KIF14: variants seen among roughly 807,000 people sequenced by gnomAD.
KIF14 encodes the protein kinesin-like protein KIF14.
A neutral mutation model predicts 176.2 loss-of-function variants in KIF14; 98 were observed. The ratio of observed to expected loss-of-function variants is 0.56; its 90% CI spans 0.47 to 0.66. KIF14 has a LOEUF of 0.66. KIF14 is among the 30% of genes least tolerant of loss of function. The pLI is 0.00. For synonymous variants in KIF14, 566 were observed against 632.2 expected (o/e 0.90, Z 1.57); for missense variants, 1,751 against 1,920.4 (o/e 0.91, Z 1.65).
At chr1:200,606,954 T>C (rs1659913410) in intron 5 of KIF14, among the ~76,000 whole-genome samples, 156 bp from the exon 6 acceptor site, 1 of 151,396 alleles carries the variant, frequency 6.6e-6, no homozygotes, top group African/African-American at 2.4e-5. Context: ...CAAAAACAAA[T>C]CTGTAAGGCA....
chr1:200,612,000 C>CTTT (rs79821962), intron 4 of KIF14, among the ~76,000 whole-genome samples: 3 of 148,610 alleles, frequency 2.0e-5, no homozygotes, highest in African/African-American at 2.5e-5. Context: ...AGTCCATGCT[C>CTTT]TTTTTTTTTT....
chr1:200,565,039 C>A, intron 25 of KIF14, 30 bp downstream of exon 25: 1 of 1,531,080 alleles, frequency 6.5e-7, no homozygotes, highest in South Asian at 1.2e-5. Flanking sequence ...TAAATGAATC[C>A]TTCAAATGAT....
At chr1:200,612,804 T>C (rs1244070391) in intron 4 of KIF14, among the ~76,000 whole-genome samples, 1 of 151,536 alleles carries the variant, frequency 6.6e-6, no homozygotes, top group African/African-American at 2.4e-5. Flanking sequence ...TTTCCAATAA[T>C]CAGCAAGTCT....
chr1:200,608,105 C>A lies in KIF14; in HGVS notation c.1554+725G>T, dbSNP rs1477305897. On this transcript the variant is annotated intron_variant, in intron 5 of 29. Transcript: ENST00000367350. ...AAAGATTATATAATTGTGAAACTTTCTATTTCACAGATTATCTACAAGGTA... is the reference window on the plus strand; with the variant it reads ...AAAGATTATATAATTGTGAAACTTTATATTTCACAGATTATCTACAAGGTA... Among the ~76,000 whole-genome samples the A allele has an allele frequency of 2.0e-5, 3 of 152,096 alleles. No individual in the cohort carries two copies. The East Asian group carries it at 5.8e-4, about 29-fold the overall frequency.
Position 200,617,892 on chromosome 1 carries a change from G to C in KIF14, c.832C>G (p.Pro278Ala). The change falls in exon 2 of 30, where the codon CCT (proline) becomes GCT (alanine). Residue 278 changes from proline to alanine, a missense_variant. By Grantham distance (27) the Pro-to-Ala change is conservative (BLOSUM62 -1). Transcript: ENST00000367350. ...NKFGSLEKRT[P>A]TKCTTEHKLT... ...TTGTGTTCTGTTGTACATTTTGTAGGTGTTCTTTTTTCTAAGCTCCCAAAT... is the reference window on the plus strand; with the variant it reads ...TTGTGTTCTGTTGTACATTTTGTAGCTGTTCTTTTTTCTAAGCTCCCAAAT... The C allele has an allele frequency of 6.2e-7, 1 of 1,614,088 alleles. No homozygotes were observed.
chr1:200,590,324 T>C, intron 16 of KIF14, 52 bp from the exon 17 acceptor site: 1 of 1,460,086 alleles, frequency 6.8e-7, no homozygotes, highest in Non-Finnish European at 9.3e-7. Flanking sequence ...TCTTTATACA[T>C]CATAATAGTT....
intron 23 of KIF14, among the ~76,000 whole-genome samples, chr1:200,568,507 G>A (rs1657592774): frequency 6.6e-6 from 1 of 152,050 alleles, no homozygotes; most frequent in Non-Finnish European, 1.5e-5. Flanking sequence ...TTATCAAATA[G>A]ATTGTTACAT....
chr1:200,577,447 C>T (rs1245095802), intron 21 of KIF14, among the ~76,000 whole-genome samples: 1 of 152,070 alleles, frequency 6.6e-6, no homozygotes, highest in East Asian at 1.9e-4. Flanking sequence ...CGTGAGCCAC[C>T]GTGCCCAGCC....
Position 200,617,933 on chromosome 1 carries a change from G to A in KIF14, c.791C>T (p.Ala264Val). 1 of 1,613,838 alleles carries A rather than the reference G, an allele frequency of 6.2e-7. No individual in the cohort carries two copies. Among genetic ancestry groups the A allele is most frequent in the Non-Finnish European group, 8.5e-7 (1 of 1,179,960 alleles). Reference sequence around the variant, plus strand: ...GCTCCCAAATTTATTTGAAGTTTTTGCAATTTCCTTCCCAATACTTCTATG... The same window carrying A: ...GCTCCCAAATTTATTTGAAGTTTTTACAATTTCCTTCCCAATACTTCTATG... ...LYHRSIGKEI[A>V]KTSNKFGSLE... Residue 264 changes from alanine to valine, a missense_variant, in exon 2 of 30, where the codon GCA (alanine) becomes GTA (valine). Physicochemically the swap from Ala to Val is moderately conservative, Grantham distance 64 (BLOSUM62 0). Coordinates refer to ENST00000367350, the MANE Select transcript of KIF14 (RefSeq NM_014875.3).
intron 4 of KIF14, 112 bp from the exon 5 acceptor site, chr1:200,609,040 C>T: frequency 1.8e-6 from 1 of 540,602 alleles, no homozygotes; most frequent in Non-Finnish European, 3.2e-6. Context: ...TCCTACAACT[C>T]AACAACATAA....
At chr1:200,581,572 T>A (rs574230414) in intron 19 of KIF14, among the ~76,000 whole-genome samples, 21 of 151,884 alleles carry the variant, frequency 1.4e-4, no homozygotes, top group South Asian at 1.0e-3. Context: ...TAGAAAAAAA[T>A]TTTTTTTCTA....
chr1:200,580,226 T>G (rs772540655), intron 21 of KIF14, 28 bp downstream of exon 21: 8 of 1,205,862 alleles, frequency 6.6e-6, no homozygotes, highest in Non-Finnish European at 6.5e-6. Flanking sequence ...TTTAAAAAAT[T>G]TATAGAGATT....
At chr1:200,581,760 CCTTTTTTTTTT>C (rs1658471215) in intron 19 of KIF14, among the ~76,000 whole-genome samples, 1 of 102,406 alleles carries the variant, frequency 9.8e-6, no homozygotes, top group Admixed American at 1.2e-4. Flanking sequence ...ATTTCACTTT[CCTTTTTTTTTT>C]TTTTTTTTTT....
rs1202678311 is a variant in KIF14, at chr1:200,603,868, T to C, written c.1834A>G (p.Thr612Ala). The change falls in exon 9 of 30, where the codon ACG becomes GCG. Residue 612 changes from threonine (T) to alanine (A), a missense_variant. Coordinates refer to ENST00000367350, the MANE Select transcript of KIF14 (RefSeq NM_014875.3). ...AGTCGATCTCCATTAGTGTGAGCCG[T>C]AGAGCAGCGCTCACTGCCTGCCAGA... ...IDLAGSERCS[T>A]AHTNGDRLKE... 3 of 1,611,324 alleles carry C rather than the reference T, an allele frequency of 1.9e-6. No homozygotes were observed. Among genetic ancestry groups the C allele is most frequent in the South Asian group, 1.1e-5 (1 of 91,038 alleles).
intron 2 of KIF14, 105 bp downstream of exon 2, chr1:200,617,507 C>A (rs1353489401): frequency 1.8e-6 from 2 of 1,112,324 alleles, no homozygotes; most frequent in Non-Finnish European, 2.6e-6. Context: ...GTATTGCCAA[C>A]AAGTTTGAAG....
intron 19 of KIF14, among the ~76,000 whole-genome samples, chr1:200,582,349 T>C (rs1474705353): frequency 6.6e-6 from 1 of 151,622 alleles, no homozygotes; most frequent in Non-Finnish European, 1.5e-5. Context: ...CCCCAGCCTG[T>C]GTGACAGAGC....
Position 200,586,816 on chromosome 1 carries a change from T to C in KIF14, c.3115-589A>G, listed in dbSNP as rs932755175. On this transcript the variant is annotated intron_variant, in intron 18 of 29. Transcript: ENST00000367350. ...ATATATATATATATATATATATATA[T>C]ACACCATGAAATACTACCCAGCAAT... Among the ~76,000 whole-genome samples the C allele has an allele frequency of 3.2e-3, 447 of 138,260 alleles. 7 individuals carry two copies. Among genetic ancestry groups the C allele is most frequent in the African/African-American group, 0.011 (421 of 37,244 alleles). 90.7% of individuals were successfully genotyped at this position (138,260 alleles called of 152,430 possible). A position where few individuals can be genotyped will look rare whatever the true frequency, so the allele number is the denominator to read the frequency against.
In KIF14 at chr1:200,560,753, T is replaced by G. The variant is rs1262491238; in HGVS notation, c.4199A>C (p.Glu1400Ala). The G allele has an allele frequency of 6.2e-7, 1 of 1,614,236 alleles. No individual in the cohort carries two copies. The highest frequency in any genetic ancestry group is 1.1e-5 in the South Asian group (1 of 91,090). The change falls in exon 26 of 30, where the codon GAA becomes GCA. Residue 1400 changes from glutamate to alanine, a missense_variant. Transcript: ENST00000367350. ...ACTGGCAGCTTTATTGTTACCGTTT[T>G]CTAGAAAATGTAGCTTGCTCCCTTT... ...VLKGSKLHFLENGNNKAASVQ... is the reference protein window; with the variant it reads ...VLKGSKLHFLANGNNKAASVQ...
intron 5 of KIF14, among the ~76,000 whole-genome samples, chr1:200,607,066 G>A (rs1215923471): frequency 2.6e-5 from 4 of 151,162 alleles, no homozygotes; most frequent in African/African-American, 4.9e-5. Context: ...TTAAAAAACT[G>A]CTATTAGAAT....
Sources: allele counts gnomAD v4.1 joint callset (sites outside exome capture counted in the v4.1 genomes callset), GRCh38; gene constraint gnomAD v4.1.1; transcripts MANE v1.5; gene names NCBI Gene and HGNC (gene_info 2026-07-23, HGNC 2026-07-21).